TNRC6B: variants seen among roughly 807,000 people sequenced by gnomAD.
The protein encoded by TNRC6B is trinucleotide repeat-containing gene 6B protein.
TNRC6B carries 52 observed loss-of-function variants against 203.6 expected under a neutral mutation model. The ratio of observed to expected loss-of-function variants is 0.26; its 90% CI spans 0.20 to 0.32. The LOEUF is 0.32. TNRC6B is among the 10% of genes least tolerant of loss of function. The probability of loss-of-function intolerance (pLI) is 1.00; values close to 1 mark genes in which losing one functional copy is unlikely to be tolerated. For missense variants in TNRC6B, 1,923 were observed against 2,286.2 expected (o/e 0.84, Z 3.24); for synonymous variants, 838 against 845.7 (o/e 0.99, Z 0.16).
At chr22:40,183,802 C>T (rs1349386989) in intron 1 of TNRC6B, among the ~76,000 whole-genome samples, 1 of 151,890 alleles carries the variant, frequency 6.6e-6, no homozygotes, top group Non-Finnish European at 1.5e-5. Context: ...TCAAGCGATG[C>T]TTTTGCGTCA....
Position 40,274,871 on chromosome 22 carries a change from CCT to C in TNRC6B, c.3141+1276_3141+1277del, listed in dbSNP as rs1355933247. On this transcript the variant is annotated intron_variant, in intron 7 of 22. Transcript: ENST00000454349. ...AGCCTGAACCAGTGTCTTCGCAGAC[CCT>C]CTCTTTTTTCAATTCCAGATTTTCG... Among the ~76,000 whole-genome samples, 6 of 152,096 alleles carry C rather than the reference CCT, an allele frequency of 3.9e-5. No individual in the cohort carries two copies. The East Asian group carries it at 1.2e-3, about 29-fold the overall frequency.
chr22:40,052,806 C>A (rs1323598064), intron 1 of TNRC6B, among the ~76,000 whole-genome samples: 1 of 152,144 alleles, frequency 6.6e-6, no homozygotes, highest in Non-Finnish European at 1.5e-5. Context: ...ATTTATCTTA[C>A]CCGCTTTGTA....
At chr22:40,282,616 A>G (rs1046549198) in intron 11 of TNRC6B, among the ~76,000 whole-genome samples, 2 of 152,288 alleles carry the variant, frequency 1.3e-5, no homozygotes, top group South Asian at 4.1e-4. Context: ...AGTATAGTAG[A>G]CCAGCCAAAC....
intron 1 of TNRC6B, among the ~76,000 whole-genome samples, chr22:40,107,631 T>C (rs915438308): frequency 6.6e-6 from 1 of 151,888 alleles, no homozygotes; most frequent in African/African-American, 2.4e-5. Context: ...TATAAAATAC[T>C]GTTAGACAAA....
At chr22:40,096,147 C>G (rs2068184578) in intron 1 of TNRC6B, among the ~76,000 whole-genome samples, 1 of 152,178 alleles carries the variant, frequency 6.6e-6, no homozygotes, top group Non-Finnish European at 1.5e-5. Flanking sequence ...AATGGTCAAC[C>G]ACTCAATGCC....
At chr22:40,045,239 C>T (rs1300881399) in intron 1 of TNRC6B, among the ~76,000 whole-genome samples, 1 of 144,946 alleles carries the variant, frequency 6.9e-6, no homozygotes, top group Admixed American at 6.8e-5. Flanking sequence ...AGCGCGCGCT[C>T]CGCGGGAGCG....
At chr22:40,247,635 C>G (rs2070126819) in intron 2 of TNRC6B, among the ~76,000 whole-genome samples, 2 of 152,182 alleles carry the variant, frequency 1.3e-5, no homozygotes, top group Non-Finnish European at 2.9e-5. Context: ...ATTTTGTCTG[C>G]TTTTAATTGT....
intron 11 of TNRC6B, among the ~76,000 whole-genome samples, chr22:40,283,433 A>G (rs2070743198): frequency 6.6e-6 from 1 of 152,214 alleles, no homozygotes; most frequent in African/African-American, 2.4e-5. Flanking sequence ...GTAGGATTAC[A>G]GGTGTGAATC....
At chr22:40,175,084 C>T (rs1439475660), upstream of TNRC6B, among the ~76,000 whole-genome samples, 1 of 152,026 alleles carries the variant, frequency 6.6e-6, no homozygotes, top group African/African-American at 2.4e-5. Context: ...AGTGGCCGGG[C>T]GCAGTGCCTC....
rs1311191293 is a variant in TNRC6B, at chr22:40,181,048, T to C, written c.5+2908T>C. 3.3e-5 allele frequency among the ~76,000 whole-genome samples: 5 copies of C among 152,224 alleles called. No individual in the cohort carries two copies. The East Asian group carries it at 9.6e-4, about 29-fold the overall frequency. On this transcript the variant is annotated intron_variant, in intron 1 of 22. Transcript: ENST00000454349. Reference sequence around the variant, plus strand: ...GTGGTATCTCAATTTTAAAGTGCTTTTCAGTCATTCCATCTGGTTCCCAGA... The same window carrying C: ...GTGGTATCTCAATTTTAAAGTGCTTCTCAGTCATTCCATCTGGTTCCCAGA...
intron 3 of TNRC6B, among the ~76,000 whole-genome samples, chr22:40,127,211 G>A (rs1309013883): frequency 6.6e-6 from 1 of 152,040 alleles, no homozygotes; most frequent in Non-Finnish European, 1.5e-5. Context: ...CTTCCTGGGA[G>A]CTCTGAAAAC....
At chr22:40,053,310 G>A (rs2067766934) in intron 1 of TNRC6B, among the ~76,000 whole-genome samples, 1 of 152,156 alleles carries the variant, frequency 6.6e-6, no homozygotes, top group African/African-American at 2.4e-5. Context: ...CTCCAAAATA[G>A]TTCCATAATT....
At chr22:40,174,548 G>C (rs1453108474), upstream of TNRC6B, among the ~76,000 whole-genome samples, 1 of 152,178 alleles carries the variant, frequency 6.6e-6, no homozygotes, top group Non-Finnish European at 1.5e-5. Flanking sequence ...AGCTTTGAAA[G>C]ATAACAGTCA....
chr22:40,230,282 CTTTT>C (rs56122256), intron 1 of TNRC6B, among the ~76,000 whole-genome samples: 5 of 94,474 alleles, frequency 5.3e-5, no homozygotes, highest in Admixed American at 2.5e-4. Context: ...TGCCCATCTT[CTTTT>C]TTTTTTTTTT....
chr22:40,113,751 G>C (rs2068363180), intron 1 of TNRC6B, among the ~76,000 whole-genome samples: 1 of 152,082 alleles, frequency 6.6e-6, no homozygotes, highest in East Asian at 1.9e-4. Flanking sequence ...GAGCTGGATG[G>C]GTGGTACCCT....
intron 1 of TNRC6B, among the ~76,000 whole-genome samples, chr22:40,183,324 G>C (rs1390895361): frequency 6.6e-6 from 1 of 152,152 alleles, no homozygotes; most frequent in African/African-American, 2.4e-5. Context: ...GAATGGCTCT[G>C]TTCTTTCTCA....
chr22:40,313,255 T>G (rs1304262340), intron 19 of TNRC6B, among the ~76,000 whole-genome samples: 1 of 152,190 alleles, frequency 6.6e-6, no homozygotes, highest in Non-Finnish European at 1.5e-5. Context: ...TCCAGAGGGC[T>G]GGAGTCACGT....
At chr22:40,110,845 G>GT (rs1366439362) in intron 1 of TNRC6B, among the ~76,000 whole-genome samples, 1 of 152,284 alleles carries the variant, frequency 6.6e-6, no homozygotes, top group African/African-American at 2.4e-5. Flanking sequence ...CCCCAGCTTT[G>GT]TTTTTGTAAG....
At chr22:40,145,877 G>A (rs1409643026) in intron 3 of TNRC6B, among the ~76,000 whole-genome samples, 1 of 152,122 alleles carries the variant, frequency 6.6e-6, no homozygotes, top group Non-Finnish European at 1.5e-5. Flanking sequence ...ATAGGATGCA[G>A]TCTGTATGGA....
Sources: allele counts gnomAD v4.1 joint callset (sites outside exome capture counted in the v4.1 genomes callset), GRCh38; gene constraint gnomAD v4.1.1; transcripts MANE v1.5; gene names NCBI Gene and HGNC (gene_info 2026-07-23, HGNC 2026-07-21).